The following ANO1 variants were observed in gnomAD, a reference collection of about 807,000 sequenced individuals.
The protein encoded by ANO1 is anoctamin 1.
Under a neutral mutation model 124.0 loss-of-function variants are expected in ANO1, and 59 were observed. The observed-to-expected ratio is 0.48, with a 90% CI of 0.39 to 0.59. ANO1 has a LOEUF of 0.59. ANO1 is among the 20% of genes least tolerant of loss of function. The pLI, the probability that ANO1 is intolerant of heterozygous loss-of-function variation, is 0.00. For missense variants in ANO1, 1,059 were observed against 1,328.0 expected (o/e 0.80, Z 3.15); for synonymous variants, 529 against 532.0 (o/e 0.99, Z 0.08).
At chr11:70,042,137 C>T (rs1476253667) in intron 1 of ANO1, among the ~76,000 whole-genome samples, 3 of 152,092 alleles carry the variant, frequency 2.0e-5, no homozygotes, top group African/African-American at 7.2e-5. Flanking sequence ...CAATTCTGAC[C>T]ATAATGTAGT....
chr11:70,097,702 G>A (rs2045058622), intron 2 of ANO1, among the ~76,000 whole-genome samples: 1 of 152,228 alleles, frequency 6.6e-6, no homozygotes, highest in Non-Finnish European at 1.5e-5. Flanking sequence ...AGGTTGGAGA[G>A]AAGGCGGATG....
intron 11 of ANO1, among the ~76,000 whole-genome samples, chr11:70,144,140 A>G (rs1022480740): frequency 6.6e-6 from 1 of 152,090 alleles, no homozygotes; most frequent in East Asian, 1.9e-4. Context: ...ATATTTATTT[A>G]TATATATTTA....
the ANO1 span, among the ~76,000 whole-genome samples, chr11:69,967,290 C>T: frequency 9.9e-5 from 15 of 151,782 alleles, no homozygotes; most frequent in African/African-American, 3.4e-4. Context: ...GCATCAGGCT[C>T]CGAGCGCCTG....
intron 24 of ANO1, among the ~76,000 whole-genome samples, chr11:70,184,451 G>T (rs2049034842): frequency 6.6e-6 from 1 of 152,108 alleles, no homozygotes; most frequent in Non-Finnish European, 1.5e-5. Flanking sequence ...TTGGGGAGAG[G>T]GGTGTGAGTG....
the ANO1 span, among the ~76,000 whole-genome samples, chr11:69,975,133 C>A: frequency 6.6e-6 from 1 of 152,300 alleles, no homozygotes; most frequent in East Asian, 1.9e-4. Flanking sequence ...CTAACCTGCT[C>A]TCTCCGGGTC....
chr11:69,974,272 C>T, the ANO1 span, among the ~76,000 whole-genome samples: 28 of 150,586 alleles, frequency 1.9e-4, no homozygotes, highest in African/African-American at 6.8e-4. Flanking sequence ...AGGAAGTGAG[C>T]CAAGATCATG....
At position 70,065,473 on chromosome 11, in the gene ANO1, G is replaced by A. The variant is rs186071080; in HGVS notation, c.59-13069G>A. On this transcript the variant is annotated intron_variant, in intron 1 of 27. Coordinates refer to the ANO1 transcript ENST00000531349. ...CAGACAGCATCGGTCCCCTGTGGGGGCCACCTTTCCAGCCCCTCCTCCCAG... is the reference window on the plus strand; with the variant it reads ...CAGACAGCATCGGTCCCCTGTGGGGACCACCTTTCCAGCCCCTCCTCCCAG... 5.2e-3 allele frequency: 789 copies of A among 152,816 alleles called. 9 individuals carry two copies. Among genetic ancestry groups the A allele is most frequent in the Non-Finnish European group, 8.6e-3 (589 of 68,436 alleles). The allele number at this position is 152,816 out of a possible 1,614,324, so 9.5% of individuals were successfully genotyped here. A position where few individuals can be genotyped will look rare whatever the true frequency, so the allele number is the denominator to read the frequency against.
rs114169359 is a variant in ANO1 at position 70,085,756 on chromosome 11, C to A, written c.109-1996C>A. ...TAAAAAGGACAGCCTCCACTCGAGG[C>A]CTTCCCTCCCCCTCTCCCCCACTGC... is the stretch of plus-strand genomic sequence containing the variant. On this transcript the variant is annotated intron_variant, in intron 1 of 25. Coordinates refer to ENST00000355303, the MANE Select transcript of ANO1 (RefSeq NM_018043.7). 3,809 of 1,396,804 alleles carry A rather than the reference C, an allele frequency of 2.7e-3. 116 individuals are homozygous for A. The African/African-American group carries it at 0.051, about 19-fold the overall frequency. The allele number at this position is 1,396,804 out of a possible 1,614,324, so 86.5% of individuals were successfully genotyped here. A position where few individuals can be genotyped will look rare whatever the true frequency, so the allele number is the denominator to read the frequency against.
Position 70,161,363 on chromosome 11 carries a change from G to C in ANO1, c.1780+1G>C. On this transcript the variant is annotated splice_donor_variant, in intron 17 of 25. Coordinates refer to ENST00000355303, the MANE Select transcript of ANO1 (RefSeq NM_018043.7). LOFTEE classifies it high-confidence loss of function. The stretch of plus-strand genomic sequence containing the variant: ...ATAGCCCGATGGCTCACCAAGATCG[G>C]TGAGTGCCCATGTTCCAGGTACTGT... 1 of 1,613,778 alleles carries C rather than the reference G, an allele frequency of 6.2e-7. No homozygotes were observed. The highest frequency in any genetic ancestry group is 8.5e-7 in the Non-Finnish European group (1 of 1,179,774).
chr11:70,087,026 G>T (rs974197377), intron 1 of ANO1, among the ~76,000 whole-genome samples: 1 of 152,216 alleles, frequency 6.6e-6, no homozygotes, highest in African/African-American at 2.4e-5. Context: ...CAGAACCTGA[G>T]CTCAGCTCTG....
chr11:69,990,379 G>A (rs78951763), intron 1 of ANO1, among the ~76,000 whole-genome samples: 4,270 of 152,216 alleles, frequency 0.028, 208 homozygotes, highest in African/African-American at 0.098. Context: ...ACCACATTGC[G>A]TTTGTCCATT....
At chr11:70,052,035 T>C (rs1857356373) in intron 1 of ANO1, among the ~76,000 whole-genome samples, 1 of 152,256 alleles carries the variant, frequency 6.6e-6, no homozygotes, top group Admixed American at 6.5e-5. Flanking sequence ...GCATCTGGAA[T>C]TGGCTTTGTG....
chr11:70,126,286 C>G, intron 10 of ANO1, 91 bp downstream of exon 10: 1 of 1,452,536 alleles, frequency 6.9e-7, no homozygotes, highest in Non-Finnish European at 9.2e-7. Flanking sequence ...ACACTGGCCT[C>G]TCACACCAAT....
upstream of ANO1, among the ~76,000 whole-genome samples, chr11:69,983,189 G>T (rs2120259297): frequency 6.6e-6 from 1 of 152,112 alleles, no homozygotes; most frequent in South Asian, 2.1e-4. Context: ...CCCAGCATCT[G>T]ATCATGCTCC....
chr11:70,123,641 T>C (rs2046381919), intron 8 of ANO1, among the ~76,000 whole-genome samples: 1 of 152,208 alleles, frequency 6.6e-6, no homozygotes, highest in South Asian at 2.1e-4. Context: ...GGACAGCCTC[T>C]GGGCCCCTCA....
chr11:70,071,578 T>A (rs987220512), intron 1 of ANO1, among the ~76,000 whole-genome samples: 2 of 152,042 alleles, frequency 1.3e-5, no homozygotes, highest in Non-Finnish European at 2.9e-5. Flanking sequence ...ATTTCAAATA[T>A]GTAGTTGGAA....
At chr11:70,006,497 G>A (rs1405077087) in intron 1 of ANO1, among the ~76,000 whole-genome samples, 2 of 151,594 alleles carry the variant, frequency 1.3e-5, no homozygotes, top group African/African-American at 2.4e-5. Flanking sequence ...CACAGACCCT[G>A]GCCTACAAAT....
At chr11:70,150,863 T>C (rs552174697) in intron 12 of ANO1, among the ~76,000 whole-genome samples, 1 of 152,144 alleles carries the variant, frequency 6.6e-6, no homozygotes, top group African/African-American at 2.4e-5. Flanking sequence ...TTAAAAAAAA[T>C]TTTTTTTAAC....
At chr11:70,119,847 A>G (rs1035495803) in intron 8 of ANO1, among the ~76,000 whole-genome samples, 1 of 150,678 alleles carries the variant, frequency 6.6e-6, no homozygotes, top group Admixed American at 6.6e-5. Flanking sequence ...TGGATGATGG[A>G]TAGATGATGG....
Sources: allele counts gnomAD v4.1 joint callset (sites outside exome capture counted in the v4.1 genomes callset), GRCh38; gene constraint gnomAD v4.1.1; transcripts MANE v1.5; gene names NCBI Gene and HGNC (gene_info 2026-07-23, HGNC 2026-07-21).